Variants in NAV2 observed in about 807,000 individuals in gnomAD.
NAV2 encodes helicase, APC down-regulated 1.
NAV2 carries 54 observed loss-of-function variants against 223.2 expected under a neutral mutation model. The observed-to-expected ratio is 0.24, with a 90% confidence interval of 0.19 to 0.30. The LOEUF (loss-of-function observed/expected upper bound fraction) is 0.30, where lower values mean the gene tolerates loss of function less well. Among genes scored for constraint, NAV2 ranks in the 10% least tolerant of loss-of-function variants. The probability of loss-of-function intolerance (pLI) is 1.00; values close to 1 mark genes in which losing one functional copy is unlikely to be tolerated. For missense variants in NAV2, 2,806 were observed against 3,147.5 expected, an observed-to-expected ratio of 0.89 and a Z score of 2.60; for synonymous variants, 1,279 against 1,239.3, an observed-to-expected ratio of 1.03 and a Z score of -0.67.
At chr11:20,021,781 T>C (rs2054532399) in intron 11 of NAV2, among the ~76,000 whole-genome samples, 1 of 152,176 alleles carries the variant, frequency 6.6e-6, no homozygotes, top group Non-Finnish European at 1.5e-5. Context: ...AATGATTAAC[T>C]TTGGTTGGGA....
chr11:19,469,694 A>G (rs2041901493), intron 1 of NAV2, among the ~76,000 whole-genome samples: 1 of 152,226 alleles, frequency 6.6e-6, no homozygotes, highest in South Asian at 2.1e-4. Flanking sequence ...AAGGAAAAAA[A>G]CCACTGAAGT....
intron 10 of NAV2, among the ~76,000 whole-genome samples, chr11:19,967,185 G>A (rs2048841449): frequency 6.6e-6 from 1 of 152,120 alleles, no homozygotes; most frequent in African/African-American, 2.4e-5. Flanking sequence ...AAGCTTGAGA[G>A]CCAAGCCTAT....
intron 1 of NAV2, among the ~76,000 whole-genome samples, chr11:19,581,761 A>G (rs927711807): frequency 6.6e-6 from 1 of 152,160 alleles, no homozygotes; most frequent in Non-Finnish European, 1.5e-5. Flanking sequence ...AATCCAGTCT[A>G]TCATCGTTGG....
In NAV2 at chr11:19,989,958, T is replaced by C. The variant is rs536116077; in HGVS notation, c.2768+5711T>C. On this transcript the variant is annotated intron_variant, in intron 11 of 37. Coordinates refer to ENST00000349880, the MANE Select transcript of NAV2 (RefSeq NM_145117.5). ...TGGTATCGTCTCTTCAAATGAGCCC[T>C]TAGCCACTGAAAATACAAGCAATGC... Among the ~76,000 whole-genome samples the C allele has an allele frequency of 8.5e-5, 13 of 152,288 alleles. No individual in the cohort carries two copies. The East Asian group carries it at 2.5e-3, about 29-fold the overall frequency.
intron 11 of NAV2, among the ~76,000 whole-genome samples, chr11:20,030,379 T>A (rs1043108950): frequency 6.6e-6 from 1 of 152,246 alleles, no homozygotes; most frequent in African/African-American, 2.4e-5. Context: ...CAAAAATAAC[T>A]TCTTAGAGTT....
At chr11:19,667,721 T>C (rs1341441690) in intron 1 of NAV2, among the ~76,000 whole-genome samples, 1 of 152,226 alleles carries the variant, frequency 6.6e-6, no homozygotes, top group Non-Finnish European at 1.5e-5. Context: ...ATGTGTATTT[T>C]ATAGACTTCT....
chr11:19,446,347 A>T lies in NAV2; in HGVS notation c.75+95320A>T, dbSNP rs2133747928. On this transcript the variant is annotated intron_variant, in intron 1 of 37. Transcript: ENST00000360655. ...TTAAGGATTGGGGAGGAGCAATTTA[A>T]ATACAAATTTTGCATCCTTTCTTCC... is the stretch of plus-strand genomic sequence containing the variant. 2.0e-5 allele frequency among the ~76,000 whole-genome samples: 3 copies of T among 152,190 alleles called. No homozygotes were observed. The East Asian group carries it at 5.8e-4, about 29-fold the overall frequency.
Position 20,114,656 on chromosome 11 carries a change from C to A in NAV2, c.7025C>A (p.Ala2342Glu). Residue 2342 changes from alanine (A) to glutamate (E), a missense_variant, in exon 37 of 38, where the codon GCA (alanine) becomes GAA (glutamate). Transcript: ENST00000349880. Reference protein sequence around the residue: ...AKWVMDTYPWAASPQQHEWPP... With the variant: ...AKWVMDTYPWEASPQQHEWPP... ...TGGGTGATGGACACATATCCATGGG[C>A]AGCCAGCCCACAACAGCACGAGTGG... The A allele has an allele frequency of 2.5e-6, 4 of 1,614,184 alleles. No individual in the cohort carries two copies. The highest frequency in any genetic ancestry group is 3.4e-6 in the Non-Finnish European group (4 of 1,180,034).
intron 1 of NAV2, among the ~76,000 whole-genome samples, chr11:19,600,443 A>G (rs1318462573): frequency 1.3e-5 from 2 of 152,188 alleles, no homozygotes; most frequent in East Asian, 3.8e-4. Flanking sequence ...TAAAATTATA[A>G]CAGTTGCCAA....
intron 11 of NAV2, among the ~76,000 whole-genome samples, chr11:19,987,540 A>G (rs1047009567): frequency 2.0e-5 from 3 of 152,256 alleles, no homozygotes; most frequent in Non-Finnish European, 2.9e-5. Context: ...CTTCCAGGAA[A>G]AGACCTTAAG....
At chr11:19,807,115 C>T (rs1475137346) in intron 1 of NAV2, among the ~76,000 whole-genome samples, 2 of 152,176 alleles carry the variant, frequency 1.3e-5, no homozygotes, top group South Asian at 2.1e-4. Flanking sequence ...CGGACAAAGC[C>T]CGTGGAGTTT....
At chr11:19,595,460 A>G (rs2046180319) in intron 1 of NAV2, among the ~76,000 whole-genome samples, 1 of 152,246 alleles carries the variant, frequency 6.6e-6, no homozygotes, top group Non-Finnish European at 1.5e-5. Context: ...TTCTATTATT[A>G]TCCCCATTTT....
chr11:19,621,592 G>C (rs959260737), intron 1 of NAV2, among the ~76,000 whole-genome samples: 7 of 152,214 alleles, frequency 4.6e-5, no homozygotes, highest in African/African-American at 1.4e-4. Context: ...CTGTGGGATC[G>C]GTGGTGATAT....
intron 1 of NAV2, among the ~76,000 whole-genome samples, chr11:19,494,324 G>C (rs2134099239): frequency 6.6e-6 from 1 of 152,312 alleles, no homozygotes; most frequent in South Asian, 2.1e-4. Flanking sequence ...TGGCTCACAA[G>C]TGACAACACT....
In NAV2 at chr11:19,476,122, G is replaced by A. The variant is rs113320266; in HGVS notation, c.75+125095G>A. On this transcript the variant is annotated intron_variant, in intron 1 of 37. Transcript: ENST00000360655. ...CCCGAGTAGCTGGGACTACAGGCACGCGCCACCATGTCCAGCTAATTTTTG... is the reference window on the plus strand; with the variant it reads ...CCCGAGTAGCTGGGACTACAGGCACACGCCACCATGTCCAGCTAATTTTTG... 4.7e-3 allele frequency among the ~76,000 whole-genome samples: 714 copies of A among 152,188 alleles called. 3 individuals carry two copies. Among genetic ancestry groups the A allele is most frequent in the Non-Finnish European group, 8.1e-3 (553 of 67,998 alleles).
At chr11:19,364,739 A>G (rs970758780) in intron 1 of NAV2, among the ~76,000 whole-genome samples, 6 of 152,220 alleles carry the variant, frequency 3.9e-5, no homozygotes, top group South Asian at 2.1e-4. Context: ...ACATTCACAC[A>G]TGAACATCCA....
At chr11:19,779,703 T>C (rs2056588754) in intron 1 of NAV2, among the ~76,000 whole-genome samples, 2 of 152,144 alleles carry the variant, frequency 1.3e-5, no homozygotes, top group South Asian at 2.1e-4. Flanking sequence ...CAGCATAGAG[T>C]TGGAAGCATG....
intron 6 of NAV2, among the ~76,000 whole-genome samples, chr11:19,916,647 G>C (rs567499121): frequency 6.6e-6 from 1 of 152,206 alleles, no homozygotes; most frequent in Non-Finnish European, 1.5e-5. Flanking sequence ...AGAGCCCCAG[G>C]CTTTAAGGAC....
intron 1 of NAV2, among the ~76,000 whole-genome samples, chr11:19,403,970 G>A (rs1326737080): frequency 2.0e-5 from 3 of 151,988 alleles, no homozygotes; most frequent in Non-Finnish European, 2.9e-5. Context: ...AGAAACAGTC[G>A]TCTGCAAAGG....
Sources: allele counts gnomAD v4.1 joint callset (sites outside exome capture counted in the v4.1 genomes callset), GRCh38; gene constraint gnomAD v4.1.1; transcripts MANE v1.5; gene names NCBI Gene and HGNC (gene_info 2026-07-23, HGNC 2026-07-21).